The following ULK4 variants were observed in gnomAD, a reference collection of about 807,000 sequenced individuals.
ULK4 encodes the protein unc-51 like kinase 4, also known as inactive serine/threonine-protein kinase ULK4.
A neutral mutation model predicts 160.6 loss-of-function variants in ULK4; 133 were observed. The ratio of observed to expected loss-of-function variants is 0.83; its 90% CI spans 0.72 to 0.96. The LOEUF is 0.96. Ranked by LOEUF, ULK4 falls within the 40% of genes least tolerant of loss-of-function variation. ULK4 has a pLI of 0.00. For missense variants in ULK4, 1,580 were observed against 1,499.5 expected (o/e 1.05, Z -0.89); for synonymous variants, 534 against 539.8 (o/e 0.99, Z 0.15).
chr3:41,597,598 G>A (rs1214206497), intron 31 of ULK4, among the ~76,000 whole-genome samples: 1 of 152,140 alleles, frequency 6.6e-6, no homozygotes, highest in African/African-American at 2.4e-5. Context: ...GATTCACTGC[G>A]TAGGCCACAG....
chr3:41,491,086 G>C (rs1283167067), intron 32 of ULK4, among the ~76,000 whole-genome samples: 1 of 152,130 alleles, frequency 6.6e-6, no homozygotes, highest in Non-Finnish European at 1.5e-5. Context: ...CATTTAACAA[G>C]AACTGTCCAA....
At chr3:41,771,502 A>C (rs1428667823) in intron 21 of ULK4, among the ~76,000 whole-genome samples, 16 of 152,324 alleles carry the variant, frequency 1.1e-4, no homozygotes, top group Non-Finnish European at 5.9e-5. Flanking sequence ...TAAACATCAA[A>C]AAAGCATGTA....
At chr3:41,781,068 C>T (rs1575698174) in intron 21 of ULK4, among the ~76,000 whole-genome samples, 1 of 151,872 alleles carries the variant, frequency 6.6e-6, no homozygotes, top group East Asian at 1.9e-4. Flanking sequence ...CAAATACATA[C>T]ATAAAAATAT....
At chr3:41,604,306 G>C (rs571934253) in intron 31 of ULK4, among the ~76,000 whole-genome samples, 1 of 152,050 alleles carries the variant, frequency 6.6e-6, no homozygotes, top group Non-Finnish European at 1.5e-5. Flanking sequence ...GGGACTTTAT[G>C]ATACATGTAA....
At chr3:41,334,604 G>A (rs769476300) in intron 35 of ULK4, among the ~76,000 whole-genome samples, 1 of 152,158 alleles carries the variant, frequency 6.6e-6, no homozygotes, top group Non-Finnish European at 1.5e-5. Context: ...CTCTCTGCTG[G>A]AGCCTGCTGC....
At chr3:41,641,882 T>C (rs2034215676) in intron 30 of ULK4, among the ~76,000 whole-genome samples, 1 of 151,322 alleles carries the variant, frequency 6.6e-6, no homozygotes, top group African/African-American at 2.4e-5. Context: ...TTTTTTTTTT[T>C]TTTTTTCTTT....
chr3:41,775,399 C>CT (rs544345466), intron 21 of ULK4, among the ~76,000 whole-genome samples: 2,301 of 138,826 alleles, frequency 0.017, 134 homozygotes, highest in African/African-American at 0.054. Flanking sequence ...GTGACAACTC[C>CT]TTTTTTTTTT....
chr3:41,363,712 A>T (rs1020928836), intron 35 of ULK4, among the ~76,000 whole-genome samples: 6 of 152,220 alleles, frequency 3.9e-5, no homozygotes, highest in Non-Finnish European at 8.8e-5. Flanking sequence ...GCCATTTCCA[A>T]AGTATATATC....
At chr3:41,304,631 C>T (rs991180168) in intron 35 of ULK4, among the ~76,000 whole-genome samples, 2 of 152,170 alleles carry the variant, frequency 1.3e-5, no homozygotes, top group East Asian at 3.9e-4. Flanking sequence ...AGGAGCAAAG[C>T]CCATAACCAA....
Position 41,952,402 on chromosome 3 carries a change from G to A in ULK4, c.138+2220C>T, listed in dbSNP as rs1700321694. ...GAATGGGCAGAGGACTTACAGAAAT[G>A]GACAAAAAGAATAGACATTTCTCCA... On this transcript the variant is annotated intron_variant, in intron 2 of 36. Transcript: ENST00000301831. 1.3e-5 allele frequency among the ~76,000 whole-genome samples: 2 copies of A among 152,084 alleles called. 1 individual carries two copies. Among genetic ancestry groups the A allele is most frequent in the South Asian group, 4.1e-4 (2 of 4,828 alleles).
At chr3:41,641,310 T>A (rs2034180903) in intron 30 of ULK4, among the ~76,000 whole-genome samples, 1 of 152,218 alleles carries the variant, frequency 6.6e-6, no homozygotes, top group Non-Finnish European at 1.5e-5. Context: ...CTTCTGAAGA[T>A]AAGACTGTGC....
At chr3:41,449,065 G>C (rs1431050589) in intron 34 of ULK4, among the ~76,000 whole-genome samples, 1 of 151,862 alleles carries the variant, frequency 6.6e-6, no homozygotes, top group African/African-American at 2.4e-5. Context: ...CTACAGGCAT[G>C]CGCCACCATG....
chr3:41,504,750 CTATA>C (rs1184720052), intron 32 of ULK4, among the ~76,000 whole-genome samples: 15 of 152,068 alleles, frequency 9.9e-5, no homozygotes, highest in African/African-American at 3.6e-4. Flanking sequence ...ACACTTAGGT[CTATA>C]TATATAAACT....
At chr3:41,485,412 G>T (rs2084489744) in intron 32 of ULK4, among the ~76,000 whole-genome samples, 1 of 152,154 alleles carries the variant, frequency 6.6e-6, no homozygotes, top group African/African-American at 2.4e-5. Context: ...CCCAACTACA[G>T]AAATATAGAA....
At chr3:41,666,962 G>A (rs578108536) in intron 29 of ULK4, among the ~76,000 whole-genome samples, 5 of 152,072 alleles carry the variant, frequency 3.3e-5, no homozygotes, top group South Asian at 2.1e-4. Context: ...GGACAACATC[G>A]TGAGACCCTG....
chr3:41,489,597 A>C (rs1024532503), intron 32 of ULK4, among the ~76,000 whole-genome samples: 1 of 152,152 alleles, frequency 6.6e-6, no homozygotes, highest in Non-Finnish European at 1.5e-5. Flanking sequence ...GTAGGATTAG[A>C]TGCTTTCTCC....
intron 21 of ULK4, among the ~76,000 whole-genome samples, chr3:41,771,555 C>CA (rs1037220511): frequency 6.6e-6 from 1 of 152,082 alleles, no homozygotes; most frequent in Non-Finnish European, 1.5e-5. Context: ...CCAACAACAA[C>CA]AAAAAATCAT....
intron 18 of ULK4, among the ~76,000 whole-genome samples, chr3:41,822,167 G>A (rs962000100): frequency 3.3e-5 from 5 of 151,954 alleles, no homozygotes; most frequent in African/African-American, 7.3e-5. Context: ...CCAAGACATC[G>A]GACTGGTGAG....
chr3:41,595,581 G>A (rs1402856412), intron 31 of ULK4, among the ~76,000 whole-genome samples: 1 of 152,216 alleles, frequency 6.6e-6, no homozygotes, highest in Non-Finnish European at 1.5e-5. Flanking sequence ...GCAGCTTGAG[G>A]AGTCAGCAAA....
Sources: gnomAD v4.1 joint callset for allele counts (sites outside exome capture counted in the v4.1 genomes callset) on GRCh38, gnomAD v4.1.1 for gene constraint, MANE v1.5 for transcripts, NCBI Gene and HGNC (gene_info 2026-07-23, HGNC 2026-07-21) for gene names.